Variants in ATP11C observed in about 807,000 individuals in gnomAD.
The protein encoded by ATP11C is phospholipid-transporting ATPase IG.
In ATP11C, 36 loss-of-function variants were observed where a neutral mutation model predicts 97.4. That is an observed-to-expected ratio of 0.37 (90% CI 0.28 to 0.49). The LOEUF is 0.49. ATP11C is among the 20% of genes least tolerant of loss of function. The pLI, the probability that ATP11C is intolerant of heterozygous loss-of-function variation, is 0.98. For missense variants in ATP11C, 730 were observed against 824.6 expected (o/e 0.89, Z 1.40); for synonymous variants, 275 against 290.9 (o/e 0.95, Z 0.56).
intron 1 of ATP11C, among the ~76,000 whole-genome samples, chrX:139,851,929 G>A (rs2497271): frequency 0.053 from 5,838 of 110,771 alleles, 383 homozygotes; most frequent in African/African-American, 0.18. Context: ...CACAGCTGGA[G>A]AGAAATTCAC....
At chrX:139,779,410 T>G (rs965956245) in intron 18 of ATP11C, among the ~76,000 whole-genome samples, 9 of 111,802 alleles carry the variant, frequency 8.0e-5, no homozygotes, top group African/African-American at 2.6e-4. Context: ...GAAATAAAAT[T>G]AGAAATCAAT....
chrX:139,781,666 G>A (rs983047316), intron 18 of ATP11C, among the ~76,000 whole-genome samples: 8 of 111,640 alleles, frequency 7.2e-5, no homozygotes, highest in African/African-American at 2.3e-4. Context: ...GCAGTGAGCC[G>A]AGATTGTGCC....
chrX:139,766,114 A>T (rs1603351888), intron 20 of ATP11C, among the ~76,000 whole-genome samples: 1 of 112,184 alleles, frequency 8.9e-6, no homozygotes, highest in East Asian at 2.8e-4. Context: ...TGTGTTTGGG[A>T]AACAGCTGAA....
At chrX:139,796,028 C>T (rs1252468450) in intron 12 of ATP11C, among the ~76,000 whole-genome samples, 1 of 111,950 alleles carries the variant, frequency 8.9e-6, no homozygotes, top group Non-Finnish European at 1.9e-5. Flanking sequence ...CACCCAGTTC[C>T]AAGGAGAATT....
At chrX:139,862,594 G>A (rs932934296) in intron 1 of ATP11C, among the ~76,000 whole-genome samples, 2 of 111,936 alleles carry the variant, frequency 1.8e-5, no homozygotes, top group African/African-American at 6.5e-5. Flanking sequence ...TGAGAGCAGA[G>A]CTGATTTGAG....
At chrX:139,935,951 G>C (rs973150269), upstream of ATP11C, among the ~76,000 whole-genome samples, 4 of 109,660 alleles carry the variant, frequency 3.6e-5, no homozygotes, top group Non-Finnish European at 7.6e-5. Flanking sequence ...AGCCAAGATC[G>C]CGCCAGTACA....
intron 22 of ATP11C, among the ~76,000 whole-genome samples, chrX:139,759,513 A>C (rs1026179718): frequency 2.7e-5 from 3 of 111,409 alleles, no homozygotes; most frequent in Non-Finnish European, 3.8e-5. Flanking sequence ...GGACAAGTTG[A>C]AAAGTGGCAT....
chrX:139,927,785 C>T (rs1017758445), intron 1 of ATP11C, among the ~76,000 whole-genome samples: 5 of 110,281 alleles, frequency 4.5e-5, no homozygotes, highest in African/African-American at 1.7e-4. Context: ...TAGCTTTCGG[C>T]ATTAGATGTA....
chrX:139,751,198 A>G (rs775891101), intron 23 of ATP11C, among the ~76,000 whole-genome samples: 4 of 112,223 alleles, frequency 3.6e-5, no homozygotes, highest in South Asian at 7.4e-4. Flanking sequence ...CTACTAAATG[A>G]CAAGTACTAG....
intron 1 of ATP11C, among the ~76,000 whole-genome samples, chrX:139,831,364 T>C (rs1182810017): frequency 1.9e-5 from 2 of 106,040 alleles, no homozygotes; most frequent in Non-Finnish European, 3.8e-5. Flanking sequence ...AAAAAAAAAC[T>C]ACTACAGGAA....
At chrX:139,763,015 C>G (rs144241875) in intron 21 of ATP11C, among the ~76,000 whole-genome samples, 1 of 112,329 alleles carries the variant, frequency 8.9e-6, no homozygotes, top group Non-Finnish European at 1.9e-5. Flanking sequence ...TTCATGCATG[C>G]TGTCAAAGTA....
At chrX:139,799,990 T>C (rs1425723670) in intron 8 of ATP11C, 70 bp downstream of exon 8, 15 of 867,089 alleles carry the variant, frequency 1.7e-5, no homozygotes, top group South Asian at 1.7e-4. Context: ...TTGGCTATTT[T>C]AGTTGATTTA....
intron 5 of ATP11C, among the ~76,000 whole-genome samples, chrX:139,813,629 C>T (rs2083222679): frequency 9.0e-6 from 1 of 111,299 alleles, no homozygotes; most frequent in South Asian, 3.8e-4. Context: ...ATGGAAGAAA[C>T]TTGAAAGCAT....
At chrX:139,920,566 T>C in intron 1 of ATP11C, among the ~76,000 whole-genome samples, 1 of 111,132 alleles carries the variant, frequency 9.0e-6, no homozygotes, top group East Asian at 2.8e-4. Flanking sequence ...TGGGGTTTCT[T>C]TTTGAGGTAG....
intron 1 of ATP11C, among the ~76,000 whole-genome samples, chrX:139,929,409 G>A (rs1335833435): frequency 8.9e-6 from 1 of 111,989 alleles, no homozygotes; most frequent in Non-Finnish European, 1.9e-5. Flanking sequence ...TTTTCTTTTA[G>A]CTTGAAATTG....
chrX:139,855,220 G>A (rs769701896), intron 1 of ATP11C, among the ~76,000 whole-genome samples: 1 of 111,885 alleles, frequency 8.9e-6, no homozygotes, highest in Admixed American at 9.5e-5. Context: ...TTCTCAGTAA[G>A]AAGGCACCAA....
In ATP11C at chrX:139,750,225, G is replaced by A. The variant is rs1179778517; in HGVS notation, c.2701-73C>T. ...CATCTACAAGATGATACTTATGTAT[G>A]TGAAAAACTTACTAGCTAAAATAAG... On this transcript the variant is annotated intron_variant, in intron 23 of 29. Transcript: ENST00000682941. 2.1e-5 allele frequency: 21 copies of A among 1,013,484 alleles called. No homozygotes were observed. In the South Asian group the frequency reaches 4.8e-4, roughly 23 times the overall value. The allele number at this position is 1,013,484 out of a possible 1,213,427, so 83.5% of individuals were successfully genotyped here.
intron 1 of ATP11C, among the ~76,000 whole-genome samples, chrX:139,854,667 A>G (rs1194169286): frequency 2.7e-5 from 3 of 112,636 alleles, no homozygotes; most frequent in African/African-American, 9.7e-5. Context: ...AAAAGTAATT[A>G]GACCTCCTGA....
chrX:139,807,274 A>G (rs2083065003), intron 5 of ATP11C, among the ~76,000 whole-genome samples: 1 of 108,658 alleles, frequency 9.2e-6, no homozygotes, highest in South Asian at 3.9e-4. Flanking sequence ...TAACAGGAAC[A>G]CCATAAAAAA....
Sources: gnomAD v4.1 joint callset for allele counts (sites outside exome capture counted in the v4.1 genomes callset) on GRCh38, gnomAD v4.1.1 for gene constraint, MANE v1.5 for transcripts, NCBI Gene and HGNC (gene_info 2026-07-23, HGNC 2026-07-21) for gene names.